Variants in ATP8B1 observed in about 807,000 individuals in gnomAD.
ATP8B1 encodes ATPase phospholipid transporting 8B1.
A neutral mutation model predicts 149.9 loss-of-function variants in ATP8B1; 80 were observed. That is an observed-to-expected ratio of 0.53 (90% CI 0.45 to 0.64). ATP8B1 has a LOEUF of 0.64. Among genes scored for constraint, ATP8B1 ranks in the 30% least tolerant of loss-of-function variants. ATP8B1 has a pLI of 0.00. For synonymous variants in ATP8B1, 536 were observed against 562.8 expected, an observed-to-expected ratio of 0.95 and a Z score of 0.67; for missense variants, 1,247 against 1,552.6, an observed-to-expected ratio of 0.80 and a Z score of 3.31.
chr18:57,692,425 ATTTTTTTTT>A (rs10547283), intron 11 of ATP8B1, among the ~76,000 whole-genome samples: 2 of 57,038 alleles, frequency 3.5e-5, no homozygotes, highest in African/African-American at 6.7e-5. Flanking sequence ...TATTCAACAG[ATTTTTTTTT>A]TTTTTTTTTT....
intron 2 of ATP8B1, among the ~76,000 whole-genome samples, chr18:57,726,639 T>C (rs1344079973): frequency 6.6e-6 from 1 of 152,190 alleles, no homozygotes; most frequent in African/African-American, 2.4e-5. Context: ...AATCTACTTC[T>C]GAACTTGGGC....
At position 57,688,439 on chromosome 18, in the gene ATP8B1, T is replaced by C; in HGVS notation, c.1289A>G (p.Lys430Arg). The C allele has an allele frequency of 6.2e-7, 1 of 1,614,194 alleles. No individual in the cohort carries two copies. The highest frequency in any genetic ancestry group is 8.5e-7 in the Non-Finnish European group (1 of 1,180,042). ...NWDLQMYYAEKDTPAKARTTT... is the reference protein window; with the variant it reads ...NWDLQMYYAERDTPAKARTTT... ...GGTTCTAGCTTTTGCGGGTGTGTCC[T>C]TCTCAGCATAGTACATTTGCAGGTC... Residue 430 changes from lysine (K) to arginine (R), a missense_variant, in exon 13 of 28, where the codon AAG becomes AGG. Transcript: ENST00000648908.
At chr18:57,731,417 T>A in intron 2 of ATP8B1, 1 of 526,792 alleles carries the variant, frequency 1.9e-6, no homozygotes, top group Non-Finnish European at 3.4e-6. Flanking sequence ...TCTGCAGAAC[T>A]TGTCAGATAT....
intron 1 of ATP8B1, among the ~76,000 whole-genome samples, chr18:57,767,129 TA>T (rs1466020729): frequency 6.6e-6 from 1 of 152,090 alleles, no homozygotes; most frequent in East Asian, 1.9e-4. Context: ...ATCCACAGGA[TA>T]AAAGGAAGCC....
intron 20 of ATP8B1, among the ~76,000 whole-genome samples, chr18:57,665,068 C>G (rs1210596856): frequency 6.6e-6 from 1 of 151,808 alleles, no homozygotes; most frequent in Admixed American, 6.6e-5. Context: ...CTGAAACAAG[C>G]AAGTGTCTCT....
At chr18:57,744,685 C>T (rs4941027) in intron 1 of ATP8B1, among the ~76,000 whole-genome samples, 22,443 of 152,176 alleles carry the variant, frequency 0.15, 1,927 homozygotes, top group South Asian at 0.28. Context: ...TTAAATAATA[C>T]AAAGTCATAG....
chr18:57,668,583 CA>C (rs1599093344), intron 18 of ATP8B1, 43 bp from the exon 19 acceptor site: 5 of 1,077,892 alleles, frequency 4.6e-6, no homozygotes, highest in Non-Finnish European at 6.3e-6. Flanking sequence ...AATTAGCAAA[CA>C]AACCAAAAGT....
intron 2 of ATP8B1, among the ~76,000 whole-genome samples, chr18:57,710,355 TGTC>T (rs1369079963): frequency 6.6e-6 from 1 of 152,156 alleles, no homozygotes; most frequent in Non-Finnish European, 1.5e-5. Flanking sequence ...ATGGTTGTGT[TGTC>T]AATATATCTA....
intron 1 of ATP8B1, among the ~76,000 whole-genome samples, chr18:57,773,201 T>TAAA (rs34028925): frequency 2.2e-5 from 3 of 139,434 alleles, no homozygotes; most frequent in Non-Finnish European, 3.1e-5. Context: ...GACTCTGTCT[T>TAAA]AAAAAAAAAA....
At chr18:57,759,155 C>CAAAAAAAAAAAAAAAAA (rs566728161) in intron 1 of ATP8B1, among the ~76,000 whole-genome samples, 35 of 106,276 alleles carry the variant, frequency 3.3e-4, no homozygotes, top group Non-Finnish European at 4.4e-4. Context: ...GATTCCATCT[C>CAAAAAAAAAAAAAAAAA]AAAAAAAAAA....
At chr18:57,795,778 G>A (rs2123465641) in intron 1 of ATP8B1, among the ~76,000 whole-genome samples, 1 of 152,242 alleles carries the variant, frequency 6.6e-6, no homozygotes, top group Admixed American at 6.5e-5. Context: ...GAAGGTGGAT[G>A]GTGGTGATGG....
At chr18:57,754,351 T>C (rs1488312863) in intron 1 of ATP8B1, among the ~76,000 whole-genome samples, 4 of 151,952 alleles carry the variant, frequency 2.6e-5, no homozygotes, top group Admixed American at 6.6e-5. Context: ...GGCAGGAGAA[T>C]TGCTTGAACC....
chr18:57,697,500 G>T lies in ATP8B1; in HGVS notation c.698+118C>A. 3 of 1,019,438 alleles carry T rather than the reference G, an allele frequency of 2.9e-6. No individual in the cohort carries two copies. In the South Asian group the frequency reaches 3.8e-5, roughly 13 times the overall value. 63.1% of individuals were successfully genotyped at this position (1,019,438 alleles called of 1,614,324 possible). A position where few individuals can be genotyped will look rare whatever the true frequency, so the allele number is the denominator to read the frequency against. Reference sequence around the variant, plus strand: ...AAAGGTGAGATCAGTAGGGACAGCAGCAGGTGGCAGAGGCAAGGCCAGATA... The same window carrying T: ...AAAGGTGAGATCAGTAGGGACAGCATCAGGTGGCAGAGGCAAGGCCAGATA... On this transcript the variant is annotated intron_variant, in intron 8 of 27. Coordinates refer to ENST00000648908, the MANE Select transcript of ATP8B1 (RefSeq NM_001374385.1).
chr18:57,688,585 C>T, intron 12 of ATP8B1, 78 bp from the exon 13 acceptor site: 5 of 1,407,268 alleles, frequency 3.6e-6, no homozygotes, highest in South Asian at 2.3e-5. Flanking sequence ...TCTCATTGTA[C>T]AGACGAGAGC....
At chr18:57,779,057 T>C (rs958187908) in intron 1 of ATP8B1, among the ~76,000 whole-genome samples, 7 of 152,142 alleles carry the variant, frequency 4.6e-5, no homozygotes, top group Admixed American at 3.3e-4. Context: ...GTGTAATGGC[T>C]CACACTTGTA....
chr18:57,666,727 G>A (rs1910882611), intron 20 of ATP8B1, among the ~76,000 whole-genome samples: 1 of 151,944 alleles, frequency 6.6e-6, no homozygotes, highest in South Asian at 2.1e-4. Context: ...GTAGAGACGG[G>A]GTTTCACCAT....
In ATP8B1 at chr18:57,713,300, CTT is replaced by C. The variant is rs200171134; in HGVS notation, c.182-6715_182-6714del. Among the ~76,000 whole-genome samples, 183 of 137,908 alleles carry C rather than the reference CTT, an allele frequency of 1.3e-3. 2 individuals carry two copies. Among genetic ancestry groups the C allele is most frequent in the African/African-American group, 4.6e-3 (171 of 36,854 alleles). The allele number at this position is 137,908 out of a possible 152,430, so 90.5% of individuals were successfully genotyped here. On this transcript the variant is annotated intron_variant, in intron 2 of 27. Coordinates refer to ENST00000648908, the MANE Select transcript of ATP8B1 (RefSeq NM_001374385.1). ...TTCTTTTTTCTTTCTCTCTCTCTCT[CTT>C]TCTTTCTTTTCAGAGATAGAGTCTT... is the stretch of plus-strand genomic sequence containing the variant.
chr18:57,706,423 G>A (rs1219861957), intron 3 of ATP8B1, 67 bp downstream of exon 3: 5 of 1,307,862 alleles, frequency 3.8e-6, no homozygotes, highest in Non-Finnish European at 4.4e-6. Flanking sequence ...CATGAAGGTA[G>A]TAAGCATGCC....
chr18:57,727,291 C>T (rs1017344361), intron 2 of ATP8B1, among the ~76,000 whole-genome samples: 10 of 152,100 alleles, frequency 6.6e-5, no homozygotes, highest in Admixed American at 6.6e-5. Context: ...CCAGAGTAGA[C>T]TCCCATATGT....
Sources: allele counts gnomAD v4.1 joint callset (sites outside exome capture counted in the v4.1 genomes callset), GRCh38; gene constraint gnomAD v4.1.1; transcripts MANE v1.5; gene names NCBI Gene and HGNC (gene_info 2026-07-23, HGNC 2026-07-21).